The following PARN variants were observed in gnomAD, a reference collection of about 807,000 sequenced individuals.
PARN encodes the protein poly(A)-specific ribonuclease, also known as poly(A)-specific ribonuclease PARN.
PARN carries 71 observed loss-of-function variants against 102.8 expected under a neutral mutation model. The ratio of observed to expected loss-of-function variants is 0.69; its 90% CI spans 0.57 to 0.84. PARN has a LOEUF of 0.84. PARN is among the 40% of genes least tolerant of loss of function. The pLI is 0.00. For missense variants in PARN, 782 were observed against 760.9 expected, an observed-to-expected ratio of 1.03 and a Z score of -0.33; for synonymous variants, 261 against 252.9, an observed-to-expected ratio of 1.03 and a Z score of -0.30.
intron 10 of PARN, among the ~76,000 whole-genome samples, chr16:14,605,400 A>C (rs1036868513): frequency 1.3e-5 from 2 of 152,260 alleles, no homozygotes; most frequent in African/African-American, 2.4e-5. Flanking sequence ...TAAAAATATC[A>C]ACAGACTGTG....
intron 21 of PARN, among the ~76,000 whole-genome samples, chr16:14,514,796 G>A (rs1045740307): frequency 1.3e-5 from 2 of 152,218 alleles, no homozygotes; most frequent in Non-Finnish European, 2.9e-5. Context: ...CTTCCCAAGG[G>A]AGAAGGGAGG....
intron 23 of PARN, among the ~76,000 whole-genome samples, chr16:14,446,362 G>C (rs1298135514): frequency 6.6e-6 from 1 of 152,170 alleles, no homozygotes; most frequent in Non-Finnish European, 1.5e-5. Flanking sequence ...TCAGGGCTAC[G>C]GTGAAAATTA....
rs1310770411 is a variant in PARN, at chr16:14,530,175, C to A, written c.1480+21846G>T. ...TGTGCTTTAATCACGACATCCTTCT[C>A]TTGGTGAGCAGCACAGAAGTCTCCT... On this transcript the variant is annotated intron_variant, in intron 21 of 23. Coordinates refer to ENST00000437198, the MANE Select transcript of PARN (RefSeq NM_002582.4). 2.0e-5 allele frequency among the ~76,000 whole-genome samples: 3 copies of A among 152,208 alleles called. No individual in the cohort carries two copies. In the East Asian group the frequency reaches 5.8e-4, roughly 29 times the overall value.
At chr16:14,556,725 T>G (rs1460235152) in intron 18 of PARN, among the ~76,000 whole-genome samples, 1 of 152,082 alleles carries the variant, frequency 6.6e-6, no homozygotes, top group Non-Finnish European at 1.5e-5. Flanking sequence ...TATGAACAAG[T>G]GTTCCTAAAA....
chr16:14,596,773 A>AC lies in PARN; in HGVS notation c.840+3130dup, dbSNP rs528431526. Among the ~76,000 whole-genome samples the AC allele has an allele frequency of 1.0e-3, 154 of 150,706 alleles. 1 individual carries two copies. Among genetic ancestry groups the AC allele is most frequent in the African/African-American group, 3.4e-3 (141 of 41,096 alleles). On this transcript the variant is annotated intron_variant, in intron 12 of 23. Transcript: ENST00000437198. ...ATACATAAATAAACAGGGGAAAAGGACATTTTTTTCTTTCCTTTTTTTTTT... is the reference window on the plus strand; with the variant it reads ...ATACATAAATAAACAGGGGAAAAGGACCATTTTTTTCTTTCCTTTTTTTTTT...
chr16:14,514,506 T>C (rs956750643), intron 21 of PARN, among the ~76,000 whole-genome samples: 4 of 152,248 alleles, frequency 2.6e-5, no homozygotes, highest in South Asian at 4.2e-4. Flanking sequence ...TTAAATGCAG[T>C]TGAAGGCACA....
At chr16:14,538,933 C>T (rs1049133453) in intron 21 of PARN, among the ~76,000 whole-genome samples, 1 of 152,188 alleles carries the variant, frequency 6.6e-6, no homozygotes, top group African/African-American at 2.4e-5. Context: ...AGGTTGTGCA[C>T]TCCCAGAATC....
intron 22 of PARN, among the ~76,000 whole-genome samples, chr16:14,454,386 T>C (rs1961592442): frequency 6.6e-6 from 1 of 152,234 alleles, no homozygotes; most frequent in Non-Finnish European, 1.5e-5. Context: ...TAATAGTATC[T>C]TTTGAAGAAA....
At chr16:14,604,116 AC>A (rs768734810) in intron 11 of PARN, 29 bp downstream of exon 11, 17 of 1,322,386 alleles carry the variant, frequency 1.3e-5, no homozygotes, top group African/African-American at 4.3e-5. Context: ...GCCATTTCTC[AC>A]CCCCCAAGAA....
At chr16:14,602,961 C>T (rs1466262562) in intron 11 of PARN, among the ~76,000 whole-genome samples, 1 of 152,078 alleles carries the variant, frequency 6.6e-6, no homozygotes, top group Non-Finnish European at 1.5e-5. Flanking sequence ...GTCACCCAAG[C>T]TAGAGTACAG....
At chr16:14,490,896 G>C (rs1018522710) in intron 21 of PARN, among the ~76,000 whole-genome samples, 1 of 151,978 alleles carries the variant, frequency 6.6e-6, no homozygotes, top group Admixed American at 6.5e-5. Flanking sequence ...TTTTGCAAAA[G>C]GGCAAGCTTT....
At chr16:14,491,959 G>C (rs1046585460) in intron 21 of PARN, among the ~76,000 whole-genome samples, 1 of 152,182 alleles carries the variant, frequency 6.6e-6, no homozygotes, top group Admixed American at 6.5e-5. Context: ...GCCTGGACTG[G>C]AAACTGGAGG....
chr16:14,483,178 G>A (rs1963476266), intron 21 of PARN, among the ~76,000 whole-genome samples: 1 of 152,164 alleles, frequency 6.6e-6, no homozygotes, highest in Admixed American at 6.5e-5. Context: ...GTAACAAAAT[G>A]AAAATAAACA....
intron 21 of PARN, among the ~76,000 whole-genome samples, chr16:14,532,368 G>A (rs1966390017): frequency 6.6e-6 from 1 of 150,956 alleles, no homozygotes; most frequent in African/African-American, 2.4e-5. Context: ...ATTAGGGAGT[G>A]GTGATGACTC....
intron 21 of PARN, among the ~76,000 whole-genome samples, chr16:14,527,715 C>G (rs774714344): frequency 6.6e-6 from 1 of 152,172 alleles, no homozygotes; most frequent in Admixed American, 6.5e-5. Context: ...TCATCTAACA[C>G]GTGTTTTCTC....
intron 21 of PARN, 52 bp downstream of exon 21, chr16:14,551,969 G>A: frequency 8.2e-7 from 1 of 1,221,162 alleles, no homozygotes; most frequent in East Asian, 2.3e-5. Flanking sequence ...GGCAGTGGGA[G>A]GGCAACCTCT....
chr16:14,437,226 C>A (rs1327721104), intron 23 of PARN, among the ~76,000 whole-genome samples: 1 of 152,164 alleles, frequency 6.6e-6, no homozygotes, highest in Non-Finnish European at 1.5e-5. Flanking sequence ...ATGTACAGAG[C>A]TAGCAAGTGG....
At chr16:14,446,679 A>AC (rs1277433116) in intron 23 of PARN, among the ~76,000 whole-genome samples, 5 of 151,532 alleles carry the variant, frequency 3.3e-5, no homozygotes, top group East Asian at 3.9e-4. Flanking sequence ...TAACAAGGAG[A>AC]CCCCCCAGGC....
intron 22 of PARN, among the ~76,000 whole-genome samples, chr16:14,473,154 T>A (rs1962844101): frequency 6.6e-6 from 1 of 152,120 alleles, no homozygotes; most frequent in Non-Finnish European, 1.5e-5. Flanking sequence ...TTTAAAGGAA[T>A]AACAGAAACC....
Sources: allele counts gnomAD v4.1 joint callset (sites outside exome capture counted in the v4.1 genomes callset), GRCh38; gene constraint gnomAD v4.1.1; transcripts MANE v1.5; gene names NCBI Gene and HGNC (gene_info 2026-07-23, HGNC 2026-07-21).